Variants in SGCZ observed in about 807,000 individuals in gnomAD.
SGCZ encodes sarcoglycan zeta.
In SGCZ, 40 loss-of-function variants were observed where a neutral mutation model predicts 41.3. The observed-to-expected ratio is 0.97, with a 90% CI of 0.75 to 1.26. The LOEUF (loss-of-function observed/expected upper bound fraction) is 1.26, where lower values mean the gene tolerates loss of function less well. Among genes scored for constraint, SGCZ ranks in the 50% most tolerant of loss-of-function variants. The pLI is 0.00. For synonymous variants in SGCZ, 206 were observed against 137.5 expected (o/e 1.50, Z -3.49); for missense variants, 552 against 369.8 (o/e 1.49, Z -4.04).
chr8:14,331,948 C>T (rs1229032212), intron 2 of SGCZ, among the ~76,000 whole-genome samples: 1 of 151,534 alleles, frequency 6.6e-6, no homozygotes, highest in African/African-American at 2.4e-5. Flanking sequence ...TATGAAAAGA[C>T]ACACATATAT....
At chr8:14,467,489 C>G (rs534961430) in intron 2 of SGCZ, among the ~76,000 whole-genome samples, 1 of 152,146 alleles carries the variant, frequency 6.6e-6, no homozygotes, top group African/African-American at 2.4e-5. Flanking sequence ...AAACTGTGTG[C>G]AAACTGCTTC....
At chr8:14,260,603 A>C (rs894862758) in intron 3 of SGCZ, among the ~76,000 whole-genome samples, 17 of 149,184 alleles carry the variant, frequency 1.1e-4, no homozygotes, top group African/African-American at 3.9e-4. Context: ...CTGGGTATAT[A>C]CCCAAAGGAC....
chr8:14,976,101 T>C (rs1034332371), intron 1 of SGCZ, among the ~76,000 whole-genome samples: 15 of 151,196 alleles, frequency 9.9e-5, no homozygotes, highest in Non-Finnish European at 1.6e-4. Context: ...TCACTCACTG[T>C]AACCTCTGCC....
chr8:15,157,746 A>G (rs1234771738), intron 1 of SGCZ, among the ~76,000 whole-genome samples: 1 of 152,172 alleles, frequency 6.6e-6, no homozygotes, highest in Non-Finnish European at 1.5e-5. Context: ...GTACTAGATC[A>G]TTGTGGACCT....
chr8:14,340,291 G>C (rs1187887213), intron 2 of SGCZ, among the ~76,000 whole-genome samples: 1 of 152,066 alleles, frequency 6.6e-6, no homozygotes, highest in African/African-American at 2.4e-5. Flanking sequence ...AGGAAAATAT[G>C]ACCAAAAATG....
chr8:14,695,384 G>A (rs1351743311), intron 1 of SGCZ, among the ~76,000 whole-genome samples: 1 of 152,064 alleles, frequency 6.6e-6, no homozygotes, highest in Admixed American at 6.6e-5. Context: ...AATATTAAAT[G>A]CATGTAAAAT....
chr8:14,098,330 GCAAGAAGTGCA>G (rs1801907626), intron 7 of SGCZ, among the ~76,000 whole-genome samples: 2 of 152,234 alleles, frequency 1.3e-5, no homozygotes, highest in East Asian at 3.9e-4. Context: ...TGATGTGAAA[GCAAGAAGTGCA>G]CAAAACTAAG....
intron 5 of SGCZ, among the ~76,000 whole-genome samples, chr8:14,141,336 G>A (rs1269094687): frequency 6.6e-6 from 1 of 152,138 alleles, no homozygotes; most frequent in Non-Finnish European, 1.5e-5. Context: ...TTAAACTAAA[G>A]AGCTTCTGCA....
intron 7 of SGCZ, among the ~76,000 whole-genome samples, chr8:14,101,952 G>A (rs1802034970): frequency 6.6e-6 from 1 of 151,742 alleles, no homozygotes. Context: ...GGAGTGCAGT[G>A]GTATGAAGCA....
At chr8:14,524,870 A>C (rs1406796244) in intron 2 of SGCZ, among the ~76,000 whole-genome samples, 1 of 152,180 alleles carries the variant, frequency 6.6e-6, no homozygotes, top group African/African-American at 2.4e-5. Flanking sequence ...GTCTGAAAGT[A>C]ATATAATTCT....
intron 1 of SGCZ, among the ~76,000 whole-genome samples, chr8:14,637,483 T>A (rs1806871853): frequency 6.6e-6 from 1 of 151,778 alleles, no homozygotes. Context: ...CCTACCTGCC[T>A]CTAGCAGTCA....
intron 4 of SGCZ, among the ~76,000 whole-genome samples, chr8:14,223,914 G>C (rs7835210): frequency 0.038 from 5,859 of 152,202 alleles, 385 homozygotes; most frequent in African/African-American, 0.13. Flanking sequence ...TGTGAAAAGA[G>C]TTTCACTTAT....
chr8:14,208,307 G>A (rs1805684278), intron 4 of SGCZ, among the ~76,000 whole-genome samples: 1 of 152,124 alleles, frequency 6.6e-6, no homozygotes, highest in Non-Finnish European at 1.5e-5. Context: ...TCAGTTAGTT[G>A]AAACATTAAT....
At chr8:14,399,900 CT>C (rs1308003067) in intron 2 of SGCZ, among the ~76,000 whole-genome samples, 1 of 152,028 alleles carries the variant, frequency 6.6e-6, no homozygotes, top group Non-Finnish European at 1.5e-5. Context: ...GTTTAGTATA[CT>C]TCCAAAATTG....
chr8:14,194,766 G>C (rs1466687306), intron 4 of SGCZ, among the ~76,000 whole-genome samples: 1 of 151,808 alleles, frequency 6.6e-6, no homozygotes, highest in Non-Finnish European at 1.5e-5. Flanking sequence ...TATAAGCCAT[G>C]TGATTACTGC....
intron 1 of SGCZ, among the ~76,000 whole-genome samples, chr8:15,183,641 T>C (rs1216181615): frequency 1.3e-5 from 2 of 152,240 alleles, no homozygotes; most frequent in African/African-American, 4.8e-5. Flanking sequence ...ATATTCTTTA[T>C]GTTGCCATTT....
chr8:14,535,684 A>G (rs1183528068), intron 2 of SGCZ, among the ~76,000 whole-genome samples: 1 of 151,890 alleles, frequency 6.6e-6, no homozygotes, highest in African/African-American at 2.4e-5. Context: ...TATAAATATC[A>G]TCTTATTCTA....
At chr8:14,474,410 C>T (rs1801300592) in intron 2 of SGCZ, among the ~76,000 whole-genome samples, 1 of 152,182 alleles carries the variant, frequency 6.6e-6, no homozygotes, top group African/African-American at 2.4e-5. Flanking sequence ...TGAGCACACA[C>T]ATAAACTTGT....
At chr8:14,707,836 T>G (rs1400930675) in intron 1 of SGCZ, among the ~76,000 whole-genome samples, 1 of 152,166 alleles carries the variant, frequency 6.6e-6, no homozygotes, top group East Asian at 1.9e-4. Context: ...TTGACACAAT[T>G]GAGTTTAACT....
Sources: allele counts gnomAD v4.1 joint callset (sites outside exome capture counted in the v4.1 genomes callset), GRCh38; gene constraint gnomAD v4.1.1; transcripts MANE v1.5; gene names NCBI Gene and HGNC (gene_info 2026-07-23, HGNC 2026-07-21).